The following SAMSN1 variants were observed in gnomAD, a reference collection of about 807,000 sequenced individuals.
SAMSN1 encodes SAM domain, SH3 domain and nuclear localization signals 1, also known as SAM domain-containing protein SAMSN-1.
Under a neutral mutation model 42.0 loss-of-function variants are expected in SAMSN1, and 31 were observed. The observed-to-expected ratio is 0.74, with a 90% confidence interval of 0.55 to 1.00. The LOEUF (loss-of-function observed/expected upper bound fraction) is 1.00, where lower values mean the gene tolerates loss of function less well. Among genes scored for constraint, SAMSN1 ranks in the 50% least tolerant of loss-of-function variants. The probability of loss-of-function intolerance (pLI) is 0.00; values close to 1 mark genes in which losing one functional copy is unlikely to be tolerated. For missense variants in SAMSN1, 464 were observed against 439.4 expected, an observed-to-expected ratio of 1.06 and a Z score of -0.50; for synonymous variants, 178 against 151.9, an observed-to-expected ratio of 1.17 and a Z score of -1.26.
upstream of SAMSN1, among the ~76,000 whole-genome samples, chr21:14,549,248 C>T (rs1306667309): frequency 1.3e-5 from 2 of 152,062 alleles, no homozygotes; most frequent in African/African-American, 4.8e-5. Flanking sequence ...GTGATGTCCT[C>T]GATTCTGAGA....
intron 1 of SAMSN1, among the ~76,000 whole-genome samples, chr21:14,528,702 C>G (rs1979042086): frequency 6.6e-6 from 1 of 152,164 alleles, no homozygotes; most frequent in Non-Finnish European, 1.5e-5. Flanking sequence ...TACTTTTACT[C>G]AAGTGTGTGC....
intron 6 of SAMSN1, among the ~76,000 whole-genome samples, 153 bp from the exon 7 acceptor site, chr21:14,498,745 T>G (rs2822708): frequency 0.03 from 4,548 of 152,316 alleles, 212 homozygotes; most frequent in African/African-American, 0.096. Flanking sequence ...TTCTGACATA[T>G]GAACTCCAGG....
chr21:14,613,458 A>AAC (rs1170216247), intron 3 of SAMSN1, among the ~76,000 whole-genome samples: 1 of 152,180 alleles, frequency 6.6e-6, no homozygotes, highest in Non-Finnish European at 1.5e-5. Flanking sequence ...TGTGTGGGTG[A>AAC]ACACACACAT....
intron 2 of SAMSN1, among the ~76,000 whole-genome samples, chr21:14,627,614 C>A (rs1372096472): frequency 2.0e-5 from 3 of 152,148 alleles, no homozygotes; most frequent in Admixed American, 6.6e-5. Flanking sequence ...TGTCTGGAGG[C>A]CCATGGCCAA....
chr21:14,628,940 G>A (rs181931246), intron 2 of SAMSN1, among the ~76,000 whole-genome samples: 1 of 152,104 alleles, frequency 6.6e-6, no homozygotes, highest in Admixed American at 6.6e-5. Context: ...TTATAGATGG[G>A]TAAACAGAGG....
chr21:14,612,520 T>C, intron 4 of SAMSN1: 1 of 400,172 alleles, frequency 2.5e-6, no homozygotes, highest in South Asian at 2.0e-5. Flanking sequence ...TCTGCTAATT[T>C]TTTATTGTCT....
chr21:14,598,537 T>A (rs909707632), intron 6 of SAMSN1, among the ~76,000 whole-genome samples: 1 of 152,158 alleles, frequency 6.6e-6, no homozygotes, highest in Non-Finnish European at 1.5e-5. Flanking sequence ...TCCACAAGCC[T>A]GGTTCTCCAG....
intron 1 of SAMSN1, among the ~76,000 whole-genome samples, chr21:14,643,372 G>T (rs937996811): frequency 6.6e-6 from 1 of 152,168 alleles, no homozygotes; most frequent in Non-Finnish European, 1.5e-5. Context: ...TTAAACAAGA[G>T]TTTAAGTGTT....
upstream of SAMSN1, among the ~76,000 whole-genome samples, chr21:14,586,262 C>CAAAAAAAAA (rs67482796): frequency 1.1e-3 from 53 of 50,460 alleles, no homozygotes; most frequent in African/African-American, 1.8e-3. Context: ...GACTCCATCT[C>CAAAAAAAAA]AAAAAAAAAA....
rs368125156 is a variant in SAMSN1, at chr21:14,522,962, G to T, written c.58-1741C>A. 2.6e-5 allele frequency among the ~76,000 whole-genome samples: 4 copies of T among 152,228 alleles called. No individual in the cohort carries two copies. In the South Asian group the frequency reaches 8.3e-4, roughly 32 times the overall value. On this transcript the variant is annotated intron_variant, in intron 1 of 7. Coordinates refer to ENST00000400566, the MANE Select transcript of SAMSN1 (RefSeq NM_022136.5). ...GGACACGCCAATGCCAATTGACCTG[G>T]AATGCACTTCTTTGGGATGTGGGGG...
intron 2 of SAMSN1, among the ~76,000 whole-genome samples, chr21:14,569,653 T>A (rs1409175795): frequency 6.6e-6 from 1 of 152,168 alleles, no homozygotes; most frequent in Non-Finnish European, 1.5e-5. Context: ...AAAATTAACT[T>A]ATCAAAAAAT....
chr21:14,497,564 C>A (rs1378271577), intron 7 of SAMSN1, among the ~76,000 whole-genome samples: 7 of 152,242 alleles, frequency 4.6e-5, no homozygotes, highest in Non-Finnish European at 1.5e-5. Context: ...TGCGCTCCAC[C>A]CGGGACAGCA....
chr21:14,494,827 G>T (rs187576856), intron 7 of SAMSN1, among the ~76,000 whole-genome samples: 146 of 152,152 alleles, frequency 9.6e-4, no homozygotes, highest in African/African-American at 2.1e-3. Context: ...TAGAAGTCTG[G>T]TTTTTTTCCC....
At chr21:14,625,995 C>G (rs1983158456) in intron 2 of SAMSN1, among the ~76,000 whole-genome samples, 1 of 152,188 alleles carries the variant, frequency 6.6e-6, no homozygotes, top group African/African-American at 2.4e-5. Flanking sequence ...ATCAACTGAT[C>G]TTTGACAAAC....
upstream of SAMSN1, among the ~76,000 whole-genome samples, chr21:14,584,317 T>C (rs1981852746): frequency 6.6e-6 from 1 of 152,212 alleles, no homozygotes; most frequent in African/African-American, 2.4e-5. Context: ...GCCTCTTGCT[T>C]TCTAGAAGAT....
chr21:14,625,653 T>G (rs142685679), intron 2 of SAMSN1, among the ~76,000 whole-genome samples: 7 of 152,300 alleles, frequency 4.6e-5, no homozygotes, highest in African/African-American at 1.7e-4. Flanking sequence ...GGAAGATAAT[T>G]CCATGCTCAT....
At chr21:14,527,377 G>C (rs190167145) in intron 1 of SAMSN1, among the ~76,000 whole-genome samples, 8 of 152,288 alleles carry the variant, frequency 5.3e-5, no homozygotes, top group Admixed American at 4.6e-4. Flanking sequence ...CGTGGTACCA[G>C]TGGAATACAC....
intron 2 of SAMSN1, chr21:14,616,140 C>G (rs896111889): frequency 8.6e-6 from 3 of 348,182 alleles, no homozygotes; most frequent in Admixed American, 4.6e-5. Context: ...TTCCTTTTGT[C>G]TTTTCCCTAG....
intron 4 of SAMSN1, among the ~76,000 whole-genome samples, chr21:14,510,703 C>A (rs1987653254): frequency 6.6e-6 from 1 of 152,142 alleles, no homozygotes; most frequent in Non-Finnish European, 1.5e-5. Flanking sequence ...AACCCAAGTA[C>A]CCTCTCACTT....
Sources: gnomAD v4.1 joint callset for allele counts (sites outside exome capture counted in the v4.1 genomes callset) on GRCh38, gnomAD v4.1.1 for gene constraint, MANE v1.5 for transcripts, NCBI Gene and HGNC (gene_info 2026-07-23, HGNC 2026-07-21) for gene names.